The following CCDC30 variants were observed in gnomAD, a reference collection of about 807,000 sequenced individuals.
CCDC30 encodes coiled-coil domain containing 30.
In CCDC30, 70 loss-of-function variants were observed where a neutral mutation model predicts 100.2. That is an observed-to-expected ratio of 0.70 (90% CI 0.58 to 0.85). The LOEUF (loss-of-function observed/expected upper bound fraction) is 0.85. Among genes scored for constraint, CCDC30 ranks in the 40% least tolerant of loss-of-function variants. The probability of loss-of-function intolerance (pLI) is 0.00; values close to 1 mark genes in which losing one functional copy is unlikely to be tolerated. For missense variants in CCDC30, 652 were observed against 771.2 expected, an observed-to-expected ratio of 0.85 and a Z score of 1.83; for synonymous variants, 233 against 269.5, an observed-to-expected ratio of 0.86 and a Z score of 1.33.
At position 42,536,663 on chromosome 1, in the gene CCDC30, A is replaced by G; in HGVS notation, c.457-29633A>G. 15 of 1,225,650 alleles carry G rather than the reference A, an allele frequency of 1.2e-5. No homozygotes were observed. In the South Asian group the frequency reaches 1.9e-4, roughly 16 times the overall value. 75.9% of individuals were successfully genotyped at this position (1,225,650 alleles called of 1,614,324 possible). A position where few individuals can be genotyped will look rare whatever the true frequency, so the allele number is the denominator to read the frequency against. On this transcript the variant is annotated intron_variant, in intron 6 of 16. Transcript: ENST00000668663. ...AGTTCTAATTTAGGGATTTCATGTT[A>G]TCATTTTTAAATAAAGTATAACTAT...
At chr1:42,551,742 G>GGTGTGTGT (rs34048456) in intron 6 of CCDC30, among the ~76,000 whole-genome samples, 8,305 of 144,530 alleles carry the variant, frequency 0.057, 299 homozygotes, top group Non-Finnish European at 0.079. Context: ...GATAAATTCT[G>GGTGTGTGT]GTGTGTGTGT....
intron 11 of CCDC30, among the ~76,000 whole-genome samples, chr1:42,612,740 G>A (rs1343788454): frequency 2.6e-5 from 4 of 152,036 alleles, no homozygotes; most frequent in African/African-American, 9.7e-5. Context: ...TATTTTAATC[G>A]TTATATTTCC....
chr1:42,637,292 C>G (rs775499900), exon 12 of CCDC30: 5 of 1,581,200 alleles, frequency 3.2e-6, no homozygotes, highest in South Asian at 2.4e-5. Context: ...AGTCAAGTAT[C>G]GTTTAACTAA....
intron 6 of CCDC30, among the ~76,000 whole-genome samples, chr1:42,511,747 C>A (rs985296889): frequency 3.3e-5 from 5 of 151,878 alleles, no homozygotes; most frequent in Non-Finnish European, 7.4e-5. Flanking sequence ...CGACATTGTG[C>A]CTCATGGAGA....
intron 6 of CCDC30, among the ~76,000 whole-genome samples, chr1:42,540,193 T>C (rs968876147): frequency 3.3e-5 from 5 of 152,148 alleles, no homozygotes; most frequent in African/African-American, 1.2e-4. Context: ...ATTTAACCTA[T>C]GTGTAGTTAT....
At position 42,608,467 on chromosome 1, in the gene CCDC30, C is replaced by T. The variant is rs530802395; in HGVS notation, c.1165-2511C>T. 5.9e-5 allele frequency among the ~76,000 whole-genome samples: 9 copies of T among 152,174 alleles called. No individual in the cohort carries two copies. The East Asian group carries it at 1.7e-3, about 29-fold the overall frequency. The stretch of plus-strand genomic sequence containing the variant: ...CTGTGATCCCAGCACTTTGGGAGGC[C>T]GAGGCGGGCGGATCACGAGGTCAGG... On this transcript the variant is annotated intron_variant, in intron 10 of 16. Coordinates refer to ENST00000668663, the Ensembl canonical transcript of CCDC30.
At position 42,470,317 on chromosome 1, in the gene CCDC30, T is replaced by C. The variant is rs79664191; in HGVS notation, c.-92+6419T>C. On this transcript the variant is annotated intron_variant, in intron 1 of 16. Transcript: ENST00000668663. ...ATTTTTTTTTTAAAGTAACCCAAAGTAAGTGTTGACAAGGATGTGAAGATA... is the reference window on the plus strand; with the variant it reads ...ATTTTTTTTTTAAAGTAACCCAAAGCAAGTGTTGACAAGGATGTGAAGATA... 3.8e-3 allele frequency among the ~76,000 whole-genome samples: 582 copies of C among 151,734 alleles called. 1 individual carries two copies. Among genetic ancestry groups the C allele is most frequent in the African/African-American group, 0.012 (516 of 41,326 alleles).
At chr1:42,536,720 CCA>C in intron 6 of CCDC30, 119 bp downstream of exon 7, 1 of 703,746 alleles carries the variant, frequency 1.4e-6, no homozygotes, top group East Asian at 2.6e-5. Context: ...TAACCAAACA[CCA>C]CAGACTAGGT....
intron 6 of CCDC30, among the ~76,000 whole-genome samples, chr1:42,543,547 C>T (rs944119913): frequency 3.9e-5 from 6 of 152,120 alleles, no homozygotes; most frequent in Non-Finnish European, 7.3e-5. Context: ...TCTCAAACTC[C>T]GGCAATCTTG....
intron 10 of CCDC30, 106 bp downstream of exon 14, chr1:42,589,589 G>T: frequency 1.0e-6 from 1 of 962,204 alleles, no homozygotes; most frequent in Non-Finnish European, 1.6e-6. Flanking sequence ...TTTAGTCAGG[G>T]TTCAGTCAGG....
intron 7 of CCDC30, 58 bp downstream of exon 11, chr1:42,566,533 G>A (rs572692942): frequency 9.4e-6 from 13 of 1,382,692 alleles, no homozygotes; most frequent in East Asian, 6.9e-5. Context: ...GGGAATAAAC[G>A]AATCTAAGTT....
intron 10 of CCDC30, among the ~76,000 whole-genome samples, chr1:42,604,051 C>A (rs1483241316): frequency 1.3e-5 from 2 of 152,028 alleles, no homozygotes; most frequent in Admixed American, 6.6e-5. Context: ...AAGACCCTGT[C>A]TCTCCAATTT....
At chr1:42,497,026 G>T in intron 4 of CCDC30, 72 bp from the exon 5 acceptor site, 1 of 734,046 alleles carries the variant, frequency 1.4e-6, no homozygotes, top group Non-Finnish European at 1.9e-6. Flanking sequence ...CACTTCCTTC[G>T]TTTTTAGAGT....
At chr1:42,502,613 G>A (rs1277487898) in intron 6 of CCDC30, among the ~76,000 whole-genome samples, 5 of 152,074 alleles carry the variant, frequency 3.3e-5, no homozygotes, top group Non-Finnish European at 4.4e-5. Flanking sequence ...AACCTCCCTC[G>A]TGAATTCTTG....
intron 7 of CCDC30, among the ~76,000 whole-genome samples, chr1:42,575,536 G>A (rs1457749783): frequency 2.0e-5 from 3 of 151,456 alleles, no homozygotes; most frequent in African/African-American, 7.3e-5. Flanking sequence ...TGTAGTCCCA[G>A]CTACTCAGGA....
At chr1:42,607,655 G>GA (rs112087404) in intron 10 of CCDC30, among the ~76,000 whole-genome samples, 55 of 148,016 alleles carry the variant, frequency 3.7e-4, no homozygotes, top group Non-Finnish European at 6.4e-4. Context: ...CCTGTTCTGG[G>GA]AAAAAAAAAA....
intron 6 of CCDC30, among the ~76,000 whole-genome samples, chr1:42,538,333 A>C (rs1256540869): frequency 6.6e-6 from 1 of 151,538 alleles, no homozygotes; most frequent in Non-Finnish European, 1.5e-5. Context: ...CTGTCTCAAA[A>C]AAGAAAAAAA....
At chr1:42,530,817 T>A (rs1228022112) in intron 6 of CCDC30, among the ~76,000 whole-genome samples, 1 of 152,204 alleles carries the variant, frequency 6.6e-6, no homozygotes, top group African/African-American at 2.4e-5. Flanking sequence ...GATTTTGGTA[T>A]CTTCAGTGAT....
intron 6 of CCDC30, chr1:42,539,310 G>T: frequency 6.3e-7 from 1 of 1,593,436 alleles, no homozygotes; most frequent in South Asian, 1.2e-5. Flanking sequence ...TAGAAACAAA[G>T]GTGAGACTGA....
Sources: allele counts gnomAD v4.1 joint callset (sites outside exome capture counted in the v4.1 genomes callset), GRCh38; gene constraint gnomAD v4.1.1; transcripts MANE v1.5; gene names NCBI Gene and HGNC (gene_info 2026-07-23, HGNC 2026-07-21).